The following PNLIPRP3 variants were observed in gnomAD, a reference collection of about 807,000 sequenced individuals.
The protein encoded by PNLIPRP3 is pancreatic lipase related protein 3.
A neutral mutation model predicts 52.8 loss-of-function variants in PNLIPRP3; 58 were observed. The observed-to-expected ratio is 1.10, with a 90% CI of 0.89 to 1.37. The LOEUF (loss-of-function observed/expected upper bound fraction) is 1.37, where lower values mean the gene tolerates loss of function less well. PNLIPRP3 is among the 40% of genes most tolerant of loss of function. The pLI is 0.00. For missense variants in PNLIPRP3, 593 were observed against 561.6 expected (o/e 1.06, Z -0.57); for synonymous variants, 192 against 185.0 (o/e 1.04, Z -0.31).
chr10:116,455,577 G>T, intron 4 of PNLIPRP3, 145 bp from the exon 5 acceptor site: 1 of 621,640 alleles, frequency 1.6e-6, no homozygotes, highest in Non-Finnish European at 2.8e-6. Flanking sequence ...GTAGGCAGAG[G>T]TGTCACTTTG....
At chr10:116,429,426 T>C (rs1838331263) in intron 1 of PNLIPRP3, among the ~76,000 whole-genome samples, 2 of 152,172 alleles carry the variant, frequency 1.3e-5, no homozygotes, top group South Asian at 2.1e-4. Context: ...TGGGACATAT[T>C]AGTAGTGAGC....
chr10:116,429,658 T>A (rs1251530132), intron 1 of PNLIPRP3, among the ~76,000 whole-genome samples: 3 of 152,216 alleles, frequency 2.0e-5, no homozygotes, highest in Non-Finnish European at 4.4e-5. Context: ...CTATTTTGCA[T>A]GATTCTCCTG....
intron 4 of PNLIPRP3, among the ~76,000 whole-genome samples, chr10:116,453,557 G>A (rs1846069889): frequency 1.3e-5 from 2 of 152,192 alleles, no homozygotes; most frequent in South Asian, 4.2e-4. Flanking sequence ...GGGCTTAGTG[G>A]GAGGTATTAG....
chr10:116,460,487 G>A (rs1183236794), intron 5 of PNLIPRP3, among the ~76,000 whole-genome samples: 5 of 152,084 alleles, frequency 3.3e-5, no homozygotes, highest in Admixed American at 6.6e-5. Flanking sequence ...CCTGGGCTTC[G>A]GGCTTTTCAT....
chr10:116,434,764 A>T (rs1036870729), intron 1 of PNLIPRP3, among the ~76,000 whole-genome samples: 2 of 152,226 alleles, frequency 1.3e-5, no homozygotes, highest in African/African-American at 4.8e-5. Flanking sequence ...GGAAAACAGA[A>T]GGCTGTTTTA....
chr10:116,428,484 T>C (rs969588954), intron 1 of PNLIPRP3, among the ~76,000 whole-genome samples: 2 of 152,130 alleles, frequency 1.3e-5, no homozygotes, highest in Non-Finnish European at 2.9e-5. Context: ...CCAAATTCTG[T>C]AGCTGACTCA....
At chr10:116,454,402 G>A (rs1280491591) in intron 4 of PNLIPRP3, among the ~76,000 whole-genome samples, 1 of 152,204 alleles carries the variant, frequency 6.6e-6, no homozygotes, top group African/African-American at 2.4e-5. Context: ...ACAGGCGTGA[G>A]CCCCCACGCC....
chr10:116,475,100 G>A (rs1846438419), intron 10 of PNLIPRP3, among the ~76,000 whole-genome samples: 1 of 152,152 alleles, frequency 6.6e-6, no homozygotes. Context: ...ATACTATGCA[G>A]CCATAAAAAA....
At chr10:116,447,744 T>C (rs1049207652) in intron 4 of PNLIPRP3, among the ~76,000 whole-genome samples, 1 of 152,142 alleles carries the variant, frequency 6.6e-6, no homozygotes, top group Middle Eastern at 3.2e-3. Flanking sequence ...GAGACCAACC[T>C]GGTCAGCATG....
chr10:116,466,922 C>A lies in PNLIPRP3; in HGVS notation c.927+754C>A, dbSNP rs979890217. Among the ~76,000 whole-genome samples the A allele has an allele frequency of 3.3e-5, 5 of 152,190 alleles. No homozygotes were observed. In the East Asian group the frequency reaches 9.6e-4, roughly 29 times the overall value. Reference sequence around the variant, plus strand: ...GATGGACGGGTTTAGGCCATCCTGTCAGTTTCCTGCCATTCTTGGAAAGCT... The same window carrying A: ...GATGGACGGGTTTAGGCCATCCTGTAAGTTTCCTGCCATTCTTGGAAAGCT... On this transcript the variant is annotated intron_variant, in intron 8 of 11. Transcript: ENST00000369230.
At chr10:116,435,686 G>A (rs1191574846) in intron 1 of PNLIPRP3, among the ~76,000 whole-genome samples, 1 of 152,170 alleles carries the variant, frequency 6.6e-6, no homozygotes, top group African/African-American at 2.4e-5. Flanking sequence ...TCACGATGTT[G>A]AGCATCTTTT....
chr10:116,461,541 G>A (rs1237238948), intron 7 of PNLIPRP3, among the ~76,000 whole-genome samples: 1 of 152,192 alleles, frequency 6.6e-6, no homozygotes, highest in Non-Finnish European at 1.5e-5. Context: ...AACAAGGAAG[G>A]TGTGTTATTC....
rs765283734 is a variant in PNLIPRP3, at chr10:116,469,326, C to G, written c.1060+9C>G. 1 of 1,595,456 alleles carries G rather than the reference C, an allele frequency of 6.3e-7. No individual in the cohort carries two copies. The highest frequency in any genetic ancestry group is 8.5e-7 in the Non-Finnish European group (1 of 1,172,434). On this transcript the variant is annotated intron_variant, in intron 9 of 11. Transcript: ENST00000369230. ...CCTTTCCCCATTTGCCCGTAAGTAT[C>G]ATAGCTAAGTTTAATTGTAATGCTT...
intron 8 of PNLIPRP3, among the ~76,000 whole-genome samples, chr10:116,467,799 T>C (rs994031944): frequency 3.9e-5 from 6 of 152,130 alleles, no homozygotes; most frequent in Non-Finnish European, 8.8e-5. Flanking sequence ...CTCCTACTAA[T>C]GTGAGTTTTT....
At chr10:116,433,081 T>C (rs1845729219) in intron 1 of PNLIPRP3, among the ~76,000 whole-genome samples, 1 of 111,312 alleles carries the variant, frequency 9.0e-6, no homozygotes, top group Admixed American at 1.4e-4. Context: ...GCCATTGCAC[T>C]CCAGCTTGAG....
chr10:116,440,121 G>A (rs1845835784), intron 2 of PNLIPRP3: 1 of 638,028 alleles, frequency 1.6e-6, no homozygotes, highest in African/African-American at 1.8e-5. Context: ...AGTATTTGGG[G>A]GCACCTTCTC....
intron 1 of PNLIPRP3, among the ~76,000 whole-genome samples, chr10:116,430,944 A>G (rs1845701861): frequency 6.6e-6 from 1 of 152,206 alleles, no homozygotes; most frequent in Admixed American, 6.5e-5. Flanking sequence ...TATCTAATTC[A>G]TATAGAATCT....
Position 116,455,829 on chromosome 10 carries a change from T to C in PNLIPRP3, c.564T>C (p.Thr188=), listed in dbSNP as rs1177023629. The change falls in exon 5 of 12, where the codon ACT becomes ACC. Residue 188 remains threonine (T), a splice_region_variant and synonymous_variant. Transcript: ENST00000369230. The part of the protein sequence containing the change: ...GSRIPGLGRI[T]GLDPAGPFFH... The stretch of plus-strand genomic sequence containing the variant: ...GGATACCAGGCCTTGGAAGAATAAC[T>C]GGTAAGCATGCCCTGCAGTTGGGCC... 13 of 1,609,044 alleles carry C rather than the reference T, an allele frequency of 8.1e-6. No homozygotes were observed. The highest frequency in any genetic ancestry group is 1.1e-5 in the Non-Finnish European group (13 of 1,175,544).
At chr10:116,451,440 G>A (rs1846036366) in intron 4 of PNLIPRP3, among the ~76,000 whole-genome samples, 1 of 152,168 alleles carries the variant, frequency 6.6e-6, no homozygotes, top group Admixed American at 6.5e-5. Context: ...AGGAGGATGT[G>A]CTTTGGATGC....
Sources: gnomAD v4.1 joint callset for allele counts (sites outside exome capture counted in the v4.1 genomes callset) on GRCh38, gnomAD v4.1.1 for gene constraint, MANE v1.5 for transcripts, NCBI Gene and HGNC (gene_info 2026-07-23, HGNC 2026-07-21) for gene names.